The following CTNNA2 variants were observed in gnomAD, a reference collection of about 807,000 sequenced individuals.
The protein encoded by CTNNA2 is catenin alpha 2.
A neutral mutation model predicts 101.0 loss-of-function variants in CTNNA2; 42 were observed. The observed-to-expected ratio is 0.42, with a 90% CI of 0.32 to 0.54. The LOEUF (loss-of-function observed/expected upper bound fraction) is 0.54. Among genes scored for constraint, CTNNA2 ranks in the 20% least tolerant of loss-of-function variants. The pLI, the probability that CTNNA2 is intolerant of heterozygous loss-of-function variation, is 0.14. For synonymous variants in CTNNA2, 450 were observed against 456.4 expected (o/e 0.99, Z 0.18); for missense variants, 871 against 1,223.1 (o/e 0.71, Z 4.29).
At chr2:79,841,542 C>A (rs561675518) in intron 3 of CTNNA2, among the ~76,000 whole-genome samples, 1 of 152,014 alleles carries the variant, frequency 6.6e-6, no homozygotes, top group East Asian at 1.9e-4. Flanking sequence ...AATATTAGTC[C>A]TTTTTTGTTG....
chr2:79,291,777 G>A (rs17757203), intron 2 of CTNNA2, among the ~76,000 whole-genome samples: 16,288 of 152,208 alleles, frequency 0.11, 899 homozygotes, highest in Non-Finnish European at 0.12. Flanking sequence ...TGGACACTAG[G>A]GAGGATCTGG....
chr2:79,499,342 T>C lies in CTNNA2; in HGVS notation c.-134-5712T>C, dbSNP rs1388053413. The C allele has an allele frequency of 2.0e-5, 3 of 152,208 alleles. No individual in the cohort carries two copies. In the East Asian group the frequency reaches 5.8e-4, roughly 29 times the overall value. The allele number at this position is 152,208 out of a possible 1,614,324, so 9.4% of individuals were successfully genotyped here. ...AGAGCTAGGGTGGGCTTCACAAAGC[T>C]ACCATGATATCCTTCCTAGACTGAT... On this transcript the variant is annotated intron_variant, in intron 4 of 21. Coordinates refer to the CTNNA2 transcript ENST00000466387.
intron 6 of CTNNA2, among the ~76,000 whole-genome samples, chr2:79,893,969 A>C (rs887320243): frequency 2.6e-5 from 4 of 151,946 alleles, no homozygotes; most frequent in Non-Finnish European, 5.9e-5. Flanking sequence ...GAGCATTTTT[A>C]TTCTGTCAAG....
intron 3 of CTNNA2, among the ~76,000 whole-genome samples, chr2:79,371,841 C>T (rs550036873): frequency 3.9e-5 from 6 of 152,224 alleles, no homozygotes; most frequent in African/African-American, 1.4e-4. Flanking sequence ...GCAGCACTAC[C>T]CAGGACTCCT....
At chr2:80,037,547 G>A (rs900595566) in intron 7 of CTNNA2, among the ~76,000 whole-genome samples, 3 of 152,216 alleles carry the variant, frequency 2.0e-5, no homozygotes, top group Non-Finnish European at 2.9e-5. Flanking sequence ...TCTGGGTAAT[G>A]CCTAGTCTGT....
At chr2:79,537,048 T>A (rs555183095) in intron 1 of CTNNA2, among the ~76,000 whole-genome samples, 1 of 152,298 alleles carries the variant, frequency 6.6e-6, no homozygotes, top group Admixed American at 6.5e-5. Context: ...GTTGTTTACC[T>A]CACTTGCCAC....
At chr2:80,354,878 G>T (rs1484454673) in intron 7 of CTNNA2, among the ~76,000 whole-genome samples, 2 of 152,288 alleles carry the variant, frequency 1.3e-5, no homozygotes, top group Non-Finnish European at 2.9e-5. Flanking sequence ...TGTCAGGGGT[G>T]CTGGGTCAGG....
At chr2:79,429,556 T>G (rs1056208266) in intron 4 of CTNNA2, among the ~76,000 whole-genome samples, 1 of 152,148 alleles carries the variant, frequency 6.6e-6, no homozygotes, top group Non-Finnish European at 1.5e-5. Context: ...CTCCTAGAAA[T>G]TATAATTCAT....
At chr2:80,245,558 A>C (rs1671254732) in intron 7 of CTNNA2, among the ~76,000 whole-genome samples, 1 of 151,868 alleles carries the variant, frequency 6.6e-6, no homozygotes, top group Non-Finnish European at 1.5e-5. Context: ...GCCTTTCCTC[A>C]CATATTTTTC....
At chr2:79,288,484 G>T (rs1313619589) in intron 2 of CTNNA2, among the ~76,000 whole-genome samples, 1 of 152,176 alleles carries the variant, frequency 6.6e-6, no homozygotes, top group Non-Finnish European at 1.5e-5. Context: ...TGAAGCTACT[G>T]GAAGATTTGA....
intron 4 of CTNNA2, among the ~76,000 whole-genome samples, chr2:79,412,565 C>T (rs1355651925): frequency 1.3e-5 from 2 of 151,924 alleles, no homozygotes; most frequent in Non-Finnish European, 2.9e-5. Context: ...ACAGTGCAAT[C>T]AAACTAGAAC....
Position 79,594,977 on chromosome 2 carries a change from G to C in CTNNA2, c.-5-56575G>C, listed in dbSNP as rs568764952. ...ATATAGATTTTTTTTTTGAAAGATT[G>C]TGTTTCCCCCAAGGTGCACTACCTT... On this transcript the variant is annotated intron_variant, in intron 1 of 18. Coordinates refer to ENST00000402739, the MANE Select transcript of CTNNA2 (RefSeq NM_001282597.3). 4.7e-5 allele frequency among the ~76,000 whole-genome samples: 7 copies of C among 150,162 alleles called. No homozygotes were observed. In the East Asian group the frequency reaches 1.4e-3, roughly 30 times the overall value.
intron 4 of CTNNA2, among the ~76,000 whole-genome samples, chr2:79,430,595 A>T (rs1476824937): frequency 1.3e-5 from 2 of 152,146 alleles, no homozygotes; most frequent in East Asian, 3.9e-4. Context: ...TAAGCCAAAT[A>T]CTCATCTAGC....
chr2:80,275,868 T>C (rs1028345280), intron 7 of CTNNA2, among the ~76,000 whole-genome samples: 3 of 152,318 alleles, frequency 2.0e-5, no homozygotes, highest in African/African-American at 7.2e-5. Flanking sequence ...CTTAATGACA[T>C]ATTATTTTCT....
At chr2:80,634,580 G>C (rs148438088) in intron 18 of CTNNA2, among the ~76,000 whole-genome samples, 5 of 152,016 alleles carry the variant, frequency 3.3e-5, no homozygotes, top group African/African-American at 1.2e-4. Flanking sequence ...ACTCAAGGTT[G>C]TTGATAAGAT....
intron 2 of CTNNA2, among the ~76,000 whole-genome samples, chr2:79,231,858 T>C (rs1674497347): frequency 6.6e-6 from 1 of 152,196 alleles, no homozygotes; most frequent in African/African-American, 2.4e-5. Flanking sequence ...GATTCTCATC[T>C]AGAATGTTAC....
chr2:79,537,402 GCATCA>G (rs1159678000), intron 1 of CTNNA2, among the ~76,000 whole-genome samples: 1 of 152,066 alleles, frequency 6.6e-6, no homozygotes, highest in Non-Finnish European at 1.5e-5. Context: ...CCGTGCTCTT[GCATCA>G]CATTTAGTTC....
chr2:80,075,569 TAAAATAATA>T (rs1698631025), intron 7 of CTNNA2, among the ~76,000 whole-genome samples: 1 of 130,044 alleles, frequency 7.7e-6, no homozygotes, highest in Admixed American at 7.7e-5. Flanking sequence ...ATAAATATTA[TAAAATAATA>T]TTTATACATG....
intron 12 of CTNNA2, chr2:80,573,333 G>T (rs1443446234): frequency 3.9e-5 from 6 of 152,146 alleles, no homozygotes; most frequent in African/African-American, 1.4e-4. Flanking sequence ...GTGTGTGCAG[G>T]ATCCCTGTGA....
Sources: allele counts gnomAD v4.1 joint callset (sites outside exome capture counted in the v4.1 genomes callset), GRCh38; gene constraint gnomAD v4.1.1; transcripts MANE v1.5; gene names NCBI Gene and HGNC (gene_info 2026-07-23, HGNC 2026-07-21).